Variants in FAM169A observed in about 807,000 individuals in gnomAD.
FAM169A encodes the protein soluble lamin-associated protein of 75 kDa.
FAM169A carries 24 observed loss-of-function variants against 75.7 expected under a neutral mutation model. That is an observed-to-expected ratio of 0.32 (90% CI 0.23 to 0.45). FAM169A has a LOEUF of 0.45. Among genes scored for constraint, FAM169A ranks in the 20% least tolerant of loss-of-function variants. The pLI is 1.00. For synonymous variants in FAM169A, 271 were observed against 271.0 expected (o/e 1.00, Z 0.00); for missense variants, 673 against 784.0 (o/e 0.86, Z 1.69).
chr5:74,857,161 GAGA>G (rs1749754172), intron 1 of FAM169A, among the ~76,000 whole-genome samples: 1 of 150,504 alleles, frequency 6.6e-6, no homozygotes. Context: ...GCCTCCAACG[GAGA>G]AGGCCAAGAG....
At chr5:74,820,917 A>G (rs1747736417) in intron 5 of FAM169A, among the ~76,000 whole-genome samples, 1 of 152,100 alleles carries the variant, frequency 6.6e-6, no homozygotes, top group Non-Finnish European at 1.5e-5. Flanking sequence ...TGCTCTTACT[A>G]TTTCTGAAGT....
chr5:74,784,510 C>CAAAAA (rs200414695), intron 11 of FAM169A, among the ~76,000 whole-genome samples: 3,897 of 29,822 alleles, frequency 0.13, 634 homozygotes, highest in African/African-American at 0.16. Flanking sequence ...GACTCCGTCT[C>CAAAAA]AAAAAAAAAA....
At chr5:74,817,182 G>C (rs920677669) in intron 5 of FAM169A, among the ~76,000 whole-genome samples, 3 of 151,830 alleles carry the variant, frequency 2.0e-5, no homozygotes, top group East Asian at 1.9e-4. Flanking sequence ...CATTGTACTA[G>C]AGGATCTAGC....
chr5:74,832,959 T>C (rs986230222), intron 5 of FAM169A, among the ~76,000 whole-genome samples: 2 of 151,908 alleles, frequency 1.3e-5, no homozygotes, highest in Non-Finnish European at 2.9e-5. Context: ...TGCTATAAAA[T>C]AGTTAACTAC....
intron 5 of FAM169A, among the ~76,000 whole-genome samples, chr5:74,819,101 C>T (rs1262635287): frequency 1.3e-5 from 2 of 151,794 alleles, no homozygotes; most frequent in African/African-American, 2.4e-5. Flanking sequence ...CACCTATAAC[C>T]CCAGCTACTC....
intron 9 of FAM169A, 44 bp from the exon 10 acceptor site, chr5:74,801,074 T>C: frequency 2.1e-6 from 3 of 1,415,782 alleles, no homozygotes; most frequent in South Asian, 1.6e-5. Context: ...GATTATATAT[T>C]AAAAGGACTA....
intron 11 of FAM169A, among the ~76,000 whole-genome samples, chr5:74,786,822 A>C (rs983351932): frequency 6.6e-6 from 1 of 152,350 alleles, no homozygotes; most frequent in African/African-American, 2.4e-5. Context: ...CAGCCTCGCC[A>C]GGTGTCTACT....
intron 6 of FAM169A, among the ~76,000 whole-genome samples, chr5:74,809,078 T>C (rs943370936): frequency 6.6e-6 from 1 of 151,762 alleles, no homozygotes; most frequent in African/African-American, 2.4e-5. Flanking sequence ...ATAAACCAAC[T>C]GTTGAGATAA....
upstream of FAM169A, chr5:74,866,852 CAGGGGTG>C (rs1750375019): frequency 2.0e-6 from 2 of 985,460 alleles, no homozygotes; most frequent in Non-Finnish European, 1.2e-6. Context: ...GGCCTCGGGA[CAGGGGTG>C]CAGAGGGCAC....
intron 1 of FAM169A, among the ~76,000 whole-genome samples, chr5:74,856,334 T>G (rs1749703541): frequency 6.6e-6 from 1 of 152,214 alleles, no homozygotes; most frequent in Non-Finnish European, 1.5e-5. Context: ...TCATTGGTAT[T>G]TTAATAGAAA....
At chr5:74,838,155 G>C (rs1748669046) in intron 4 of FAM169A, among the ~76,000 whole-genome samples, 1 of 149,294 alleles carries the variant, frequency 6.7e-6, no homozygotes, top group Non-Finnish European at 1.5e-5. Context: ...TCCTCATTAA[G>C]GCTCTCTTTC....
chr5:74,791,798 C>T (rs1449820459), intron 11 of FAM169A, among the ~76,000 whole-genome samples: 1 of 152,182 alleles, frequency 6.6e-6, no homozygotes, highest in Admixed American at 6.5e-5. Context: ...ACATGACCCA[C>T]TAAGGTGCTT....
At chr5:74,826,266 C>T (rs1222653958) in intron 5 of FAM169A, among the ~76,000 whole-genome samples, 1 of 152,174 alleles carries the variant, frequency 6.6e-6, no homozygotes, top group Non-Finnish European at 1.5e-5. Flanking sequence ...CTTTTACTCT[C>T]TTTTGCTTTA....
intron 5 of FAM169A, among the ~76,000 whole-genome samples, chr5:74,814,312 A>ATACCAT (rs1747360182): frequency 1.3e-5 from 2 of 152,128 alleles, no homozygotes; most frequent in Admixed American, 6.5e-5. Context: ...TATTATATAT[A>ATACCAT]TACCATCACT....
chr5:74,831,987 AG>A (rs1193008506), intron 5 of FAM169A, among the ~76,000 whole-genome samples: 1 of 152,178 alleles, frequency 6.6e-6, no homozygotes, highest in Non-Finnish European at 1.5e-5. Flanking sequence ...CTGTTGGTCA[AG>A]GAAGTAAAAA....
chr5:74,839,522 A>ATT (rs200682932), intron 3 of FAM169A, among the ~76,000 whole-genome samples: 3,108 of 130,774 alleles, frequency 0.024, 137 homozygotes, highest in African/African-American at 0.084. Context: ...TCAATTTTTA[A>ATT]TTTTTTTTTT....
chr5:74,863,587 T>C (rs1281656097), intron 1 of FAM169A, among the ~76,000 whole-genome samples: 1 of 152,202 alleles, frequency 6.6e-6, no homozygotes, highest in Non-Finnish European at 1.5e-5. Context: ...AAGTAAATCT[T>C]ACTGAATTTT....
intron 10 of FAM169A, among the ~76,000 whole-genome samples, chr5:74,797,777 T>C (rs531510012): frequency 1.4e-4 from 22 of 152,104 alleles, no homozygotes; most frequent in Non-Finnish European, 2.9e-4. Context: ...TTGGTGTAGA[T>C]AAGGAGTCAG....
chr5:74,812,602 T>G (rs915100307), intron 6 of FAM169A, among the ~76,000 whole-genome samples: 2 of 152,074 alleles, frequency 1.3e-5, no homozygotes, highest in Admixed American at 1.3e-4. Flanking sequence ...TTTGTATGTC[T>G]GAAATTTATT....
Sources: gnomAD v4.1 joint callset for allele counts (sites outside exome capture counted in the v4.1 genomes callset) on GRCh38, gnomAD v4.1.1 for gene constraint, MANE v1.5 for transcripts, NCBI Gene and HGNC (gene_info 2026-07-23, HGNC 2026-07-21) for gene names.